TM4SF4: variants seen among roughly 807,000 people sequenced by gnomAD.
TM4SF4 encodes the protein transmembrane 4 L6 family member 4.
In TM4SF4, 24 loss-of-function variants were observed where a neutral mutation model predicts 24.1. The ratio of observed to expected loss-of-function variants is 1.00; its 90% CI spans 0.72 to 1.40. The LOEUF (loss-of-function observed/expected upper bound fraction) is 1.40. TM4SF4 is among the 40% of genes most tolerant of loss of function. The pLI, the probability that TM4SF4 is intolerant of heterozygous loss-of-function variation, is 0.00. For missense variants in TM4SF4, 254 were observed against 254.2 expected (o/e 1.00, Z 0.01); for synonymous variants, 113 against 97.0 (o/e 1.17, Z -0.97).
intron 3 of TM4SF4, among the ~76,000 whole-genome samples, chr3:149,496,488 A>G (rs892406790): frequency 6.6e-5 from 10 of 152,228 alleles, no homozygotes; most frequent in Non-Finnish European, 1.2e-4. Context: ...AAAAGTACTG[A>G]AAAGAACAAT....
chr3:149,484,970 T>A (rs1178909913), intron 2 of TM4SF4, among the ~76,000 whole-genome samples: 5 of 152,178 alleles, frequency 3.3e-5, no homozygotes, highest in Admixed American at 6.5e-5. Context: ...TAAGAAAAAA[T>A]TTTTAACACA....
intron 4 of TM4SF4, among the ~76,000 whole-genome samples, chr3:149,500,891 G>C (rs62269286): frequency 6.6e-6 from 1 of 151,940 alleles, no homozygotes; most frequent in Non-Finnish European, 1.5e-5. Flanking sequence ...CAGATGTGGT[G>C]GCATGCACCT....
intron 1 of TM4SF4, 26 bp downstream of exon 1, chr3:149,475,077 C>T: frequency 6.3e-7 from 1 of 1,594,626 alleles, no homozygotes; most frequent in Non-Finnish European, 8.5e-7. Context: ...TAAAATCCCC[C>T]TAAGGGAGAT....
intron 2 of TM4SF4, among the ~76,000 whole-genome samples, chr3:149,482,978 T>C (rs904210852): frequency 1.3e-5 from 2 of 152,246 alleles, no homozygotes; most frequent in Non-Finnish European, 2.9e-5. Context: ...CAATGTGAAA[T>C]AACTTAAAGC....
chr3:149,477,949 C>T (rs1444626529), intron 2 of TM4SF4, among the ~76,000 whole-genome samples: 2 of 151,830 alleles, frequency 1.3e-5, no homozygotes, highest in Non-Finnish European at 2.9e-5. Context: ...TAAAATTTCA[C>T]ACCTGGTGCT....
At chr3:149,475,153 T>C (rs975895290) in intron 1 of TM4SF4, 102 bp downstream of exon 1, 6 of 1,303,432 alleles carry the variant, frequency 4.6e-6, no homozygotes, top group African/African-American at 4.5e-5. Flanking sequence ...TAGTTGGTAA[T>C]AGAAGCTCAA....
Position 149,474,914 on chromosome 3 carries a change from A to AC in TM4SF4, c.40dup (p.Leu14ProfsTer12), listed in dbSNP as rs769024753. ...GGGCTGTGCCAGATGCCTGGGGGGG[A>AC]CCCTCATTCCCCTTGCTTTTTTTGG... On this transcript the variant is annotated frameshift_variant, in exon 1 of 5. Coordinates refer to ENST00000305354, the MANE Select transcript of TM4SF4 (RefSeq NM_004617.4). LOFTEE classifies it high-confidence loss of function. The AC allele has an allele frequency of 1.1e-4, 185 of 1,613,230 alleles. No homozygotes were observed. Among genetic ancestry groups the AC allele is most frequent in the Non-Finnish European group, 1.4e-4 (171 of 1,179,728 alleles).
At chr3:149,476,242 G>C (rs1231957732) in intron 2 of TM4SF4, among the ~76,000 whole-genome samples, 1 of 152,210 alleles carries the variant, frequency 6.6e-6, no homozygotes, top group African/African-American at 2.4e-5. Flanking sequence ...GCCACTGAGA[G>C]GCCATAAGAA....
intron 1 of TM4SF4, among the ~76,000 whole-genome samples, chr3:149,475,287 G>A (rs71304472): frequency 0.044 from 6,740 of 152,234 alleles, 199 homozygotes; most frequent in Admixed American, 0.066. Context: ...GTTCTCATGG[G>A]TCATTTGAGT....
chr3:149,489,508 C>T (rs1734175447), intron 3 of TM4SF4, among the ~76,000 whole-genome samples: 1 of 152,226 alleles, frequency 6.6e-6, no homozygotes, highest in Admixed American at 6.5e-5. Context: ...AATGGCCTCA[C>T]ATGTTCTGAC....
At chr3:149,476,254 T>G (rs3890113) in intron 2 of TM4SF4, among the ~76,000 whole-genome samples, 52,992 of 152,034 alleles carry the variant, frequency 0.35, 9,852 homozygotes, top group Non-Finnish European at 0.42. Context: ...CCATAAGAAC[T>G]TGGACAAGTC....
intron 2 of TM4SF4, among the ~76,000 whole-genome samples, chr3:149,484,602 A>G (rs1734086732): frequency 6.9e-6 from 1 of 144,856 alleles, no homozygotes. Context: ...CCCAGGCTGG[A>G]GTGCAGTAGC....
At chr3:149,502,524 C>T (rs1734448180) in intron 4 of TM4SF4, among the ~76,000 whole-genome samples, 152 bp from the exon 5 acceptor site, 1 of 152,032 alleles carries the variant, frequency 6.6e-6, no homozygotes, top group African/African-American at 2.4e-5. Flanking sequence ...AGAGTAAAGC[C>T]CTGAAACAAA....
intron 3 of TM4SF4, among the ~76,000 whole-genome samples, chr3:149,494,212 G>T (rs1342283012): frequency 6.6e-6 from 1 of 152,212 alleles, no homozygotes. Context: ...CAGAACCAGA[G>T]AGTTTGAAGG....
chr3:149,493,707 T>C (rs562151925), intron 3 of TM4SF4, among the ~76,000 whole-genome samples: 5 of 152,202 alleles, frequency 3.3e-5, no homozygotes, highest in Admixed American at 2.0e-4. Context: ...CCCTTGGAAG[T>C]TTATCGTCCT....
chr3:149,491,550 TCTA>T (rs1273301921), intron 3 of TM4SF4, among the ~76,000 whole-genome samples: 2 of 151,806 alleles, frequency 1.3e-5, no homozygotes, highest in Non-Finnish European at 1.5e-5. Context: ...TATGCACATA[TCTA>T]CTTTTATATA....
intron 2 of TM4SF4, among the ~76,000 whole-genome samples, chr3:149,483,536 A>T (rs1312778130): frequency 6.6e-6 from 1 of 151,968 alleles, no homozygotes; most frequent in African/African-American, 2.4e-5. Flanking sequence ...AAAAAAAAAA[A>T]ACCAAAAACT....
chr3:149,477,206 T>C (rs545994502), intron 2 of TM4SF4, among the ~76,000 whole-genome samples: 1 of 152,238 alleles, frequency 6.6e-6, no homozygotes, highest in South Asian at 2.1e-4. Flanking sequence ...TGCAACTATA[T>C]TGTGTTTCTA....
At chr3:149,501,315 T>A (rs531090101) in intron 4 of TM4SF4, among the ~76,000 whole-genome samples, 21 of 151,562 alleles carry the variant, frequency 1.4e-4, no homozygotes, top group African/African-American at 4.9e-4. Context: ...GAATTGTCCA[T>A]TTTTTTCCCT....
Sources: allele counts gnomAD v4.1 joint callset (sites outside exome capture counted in the v4.1 genomes callset), GRCh38; gene constraint gnomAD v4.1.1; transcripts MANE v1.5; gene names NCBI Gene and HGNC (gene_info 2026-07-23, HGNC 2026-07-21).